The following AGXT2 variants were observed in gnomAD, a reference collection of about 807,000 sequenced individuals.
AGXT2 encodes alanine--glyoxylate aminotransferase 2.
AGXT2 carries 61 observed loss-of-function variants against 62.5 expected under a neutral mutation model. That is an observed-to-expected ratio of 0.98 (90% CI 0.79 to 1.21). The LOEUF (loss-of-function observed/expected upper bound fraction) is 1.21. Among genes scored for constraint, AGXT2 ranks in the 50% most tolerant of loss-of-function variants. The pLI is 0.00. For synonymous variants in AGXT2, 243 were observed against 218.7 expected, an observed-to-expected ratio of 1.11 and a Z score of -0.98; for missense variants, 666 against 641.5, an observed-to-expected ratio of 1.04 and a Z score of -0.41.
chr5:35,014,452 C>CAAAAAA lies in AGXT2; in HGVS notation c.964-339_964-334dup, dbSNP rs61052930. On this transcript the variant is annotated intron_variant, in intron 9 of 13. Transcript: ENST00000231420. ...TGAGTGACAGGGTGAGACTCCATCT[C>CAAAAAA]AAAAAAAAAAAAAAAAAAAAGAAAT... Among the ~76,000 whole-genome samples, 202 of 86,138 alleles carry CAAAAAA rather than the reference C, an allele frequency of 2.3e-3. 2 individuals carry two copies. Among genetic ancestry groups the CAAAAAA allele is most frequent in the African/African-American group, 8.0e-3 (175 of 21,822 alleles). 56.5% of individuals were successfully genotyped at this position (86,138 alleles called of 152,430 possible). A position where few individuals can be genotyped will look rare whatever the true frequency, so the allele number is the denominator to read the frequency against.
At chr5:35,021,769 C>G (rs1387264885) in intron 9 of AGXT2, among the ~76,000 whole-genome samples, 1 of 151,792 alleles carries the variant, frequency 6.6e-6, no homozygotes, top group Non-Finnish European at 1.5e-5. Flanking sequence ...AAGAAACTAC[C>G]ATCAGAGTGA....
chr5:35,028,840 G>A (rs1319708547), intron 7 of AGXT2, among the ~76,000 whole-genome samples: 1 of 152,162 alleles, frequency 6.6e-6, no homozygotes. Context: ...TGTGGGACAG[G>A]GCTCCCCACC....
chr5:35,025,663 C>A, intron 9 of AGXT2, 100 bp downstream of exon 9: 1 of 1,269,388 alleles, frequency 7.9e-7, no homozygotes, highest in Non-Finnish European at 1.1e-6. Context: ...ATTCACAGAG[C>A]AGAGGCTTTC....
chr5:35,017,416 C>T (rs1187463295), intron 9 of AGXT2, among the ~76,000 whole-genome samples: 1 of 152,112 alleles, frequency 6.6e-6, no homozygotes, highest in Non-Finnish European at 1.5e-5. Context: ...GTGGGAGGGA[C>T]CTGATGGGAG....
At chr5:35,046,929 T>C (rs1305256097) in intron 1 of AGXT2, among the ~76,000 whole-genome samples, 1 of 152,182 alleles carries the variant, frequency 6.6e-6, no homozygotes, top group Non-Finnish European at 1.5e-5. Flanking sequence ...ATATAGGATA[T>C]TACTCATAAA....
chr5:35,033,343 C>T, intron 6 of AGXT2, 117 bp downstream of exon 6: 1 of 819,680 alleles, frequency 1.2e-6, no homozygotes. Context: ...CAAATTGAGC[C>T]CCTGATTAAT....
intron 12 of AGXT2, among the ~76,000 whole-genome samples, chr5:35,008,600 T>G (rs1766515469): frequency 6.6e-6 from 1 of 152,202 alleles, no homozygotes. Flanking sequence ...AACAAATAAA[T>G]AAATAAAATT....
chr5:35,030,523 A>T (rs1301578622), intron 7 of AGXT2, among the ~76,000 whole-genome samples: 1 of 151,964 alleles, frequency 6.6e-6, no homozygotes, highest in South Asian at 2.1e-4. Context: ...AAAAAAATAC[A>T]TAAATAAAAA....
At chr5:35,002,781 G>GT (rs142765589) in intron 13 of AGXT2, among the ~76,000 whole-genome samples, 1 of 72,726 alleles carries the variant, frequency 1.4e-5, no homozygotes, top group South Asian at 3.6e-4. Context: ...CAGGCTGGGG[G>GT]GGGGGACTAA....
chr5:35,009,305 C>G (rs1766537733), intron 12 of AGXT2, among the ~76,000 whole-genome samples: 1 of 151,674 alleles, frequency 6.6e-6, no homozygotes. Flanking sequence ...ACAAACAAAA[C>G]TCAATATAGG....
At chr5:35,027,116 T>C in intron 7 of AGXT2, 1 of 632,992 alleles carries the variant, frequency 1.6e-6, no homozygotes, top group Non-Finnish European at 2.0e-6. Context: ...AATCAGGAGG[T>C]TTTTGTGGGC....
intron 12 of AGXT2, among the ~76,000 whole-genome samples, chr5:35,009,092 A>G (rs1018911501): frequency 6.6e-6 from 1 of 152,098 alleles, no homozygotes; most frequent in African/African-American, 2.4e-5. Context: ...AGAACGGTGG[A>G]GTGTGAGAAA....
intron 9 of AGXT2, among the ~76,000 whole-genome samples, chr5:35,023,126 T>G (rs947063995): frequency 2.4e-4 from 35 of 148,030 alleles, no homozygotes; most frequent in Non-Finnish European, 1.8e-4. Context: ...CTTTGTCTTA[T>G]TTGCTTCATT....
chr5:35,017,101 T>C (rs2112211911), intron 9 of AGXT2, among the ~76,000 whole-genome samples: 1 of 152,322 alleles, frequency 6.6e-6, no homozygotes, highest in South Asian at 2.1e-4. Context: ...GACTGCTCCT[T>C]GACAGAACTG....
At chr5:35,019,825 G>A (rs1358803107) in intron 9 of AGXT2, among the ~76,000 whole-genome samples, 1 of 151,934 alleles carries the variant, frequency 6.6e-6, no homozygotes, top group Non-Finnish European at 1.5e-5. Context: ...TAGACCACTA[G>A]CAAGACTAAT....
chr5:35,004,714 C>T (rs1766359238), intron 12 of AGXT2, among the ~76,000 whole-genome samples: 1 of 152,188 alleles, frequency 6.6e-6, no homozygotes, highest in Admixed American at 6.5e-5. Context: ...TAAAATGGTC[C>T]TCAGGTGACC....
At chr5:35,015,444 A>G (rs1016735769) in intron 9 of AGXT2, among the ~76,000 whole-genome samples, 2 of 152,162 alleles carry the variant, frequency 1.3e-5, no homozygotes, top group African/African-American at 4.8e-5. Flanking sequence ...TCTGGCTCTC[A>G]GTCTCCCTGC....
chr5:35,040,724 C>A, intron 1 of AGXT2, 61 bp from the exon 2 acceptor site: 1 of 1,268,792 alleles, frequency 7.9e-7, no homozygotes, highest in South Asian at 1.2e-5. Flanking sequence ...TTGTGAAAGT[C>A]ACCTATAGTT....
intron 6 of AGXT2, chr5:35,033,170 A>T: frequency 2.0e-6 from 1 of 488,148 alleles, no homozygotes; most frequent in South Asian, 2.1e-5. Flanking sequence ...GAGTACAGTG[A>T]TGACTGCATA....
Sources: allele counts gnomAD v4.1 joint callset (sites outside exome capture counted in the v4.1 genomes callset), GRCh38; gene constraint gnomAD v4.1.1; transcripts MANE v1.5; gene names NCBI Gene and HGNC (gene_info 2026-07-23, HGNC 2026-07-21).